DRC9: variants seen among roughly 807,000 people sequenced by gnomAD.
DRC9 encodes dynein regulatory complex subunit 9.
the DRC9 span, chr3:197,889,735 GAGTA>G: frequency 1.1e-3 from 1,759 of 1,613,940 alleles, 9 homozygotes; most frequent in Middle Eastern, 8.9e-3. Context: ...AAAGGGGAGT[GAGTA>G]CGACGTATGC....
the DRC9 span, among the ~76,000 whole-genome samples, chr3:197,934,331 C>T: frequency 2.6e-5 from 4 of 151,830 alleles, no homozygotes; most frequent in Non-Finnish European, 4.4e-5. Flanking sequence ...ATTACAGGCA[C>T]GTGCCACCAC....
the DRC9 span, among the ~76,000 whole-genome samples, chr3:197,909,484 G>A: frequency 1.3e-5 from 2 of 152,110 alleles, no homozygotes; most frequent in Non-Finnish European, 2.9e-5. Context: ...CTTAGAGACA[G>A]AACCAAGAAG....
chr3:197,940,141 A>G, the DRC9 span, among the ~76,000 whole-genome samples: 1 of 151,760 alleles, frequency 6.6e-6, no homozygotes, highest in Non-Finnish European at 1.5e-5. Context: ...TTACAGGCCC[A>G]CACCATCATG....
At chr3:197,949,982 C>T in the DRC9 span, 2 of 545,618 alleles carry the variant, frequency 3.7e-6, no homozygotes, top group Non-Finnish European at 5.5e-6. Context: ...ACCATTTTGC[C>T]TTCCCTTGTT....
At chr3:197,960,060 C>G in the DRC9 span, 1 of 627,796 alleles carries the variant, frequency 1.6e-6, no homozygotes. Context: ...GGCTTCGCGC[C>G]ACGAGACGCG....
chr3:197,892,145 C>T, the DRC9 span, among the ~76,000 whole-genome samples: 2,341 of 152,320 alleles, frequency 0.015, 32 homozygotes, highest in East Asian at 0.041. Flanking sequence ...TCGCCTCGGC[C>T]TCCCAAAGTG....
At chr3:197,915,177 A>AG in the DRC9 span, among the ~76,000 whole-genome samples, 366 of 150,444 alleles carry the variant, frequency 2.4e-3, no homozygotes, top group African/African-American at 8.2e-3. Flanking sequence ...AAAAAAAAAA[A>AG]AAAAGAAAAG....
At chr3:197,957,629 G>A in the DRC9 span, 7 of 152,238 alleles carry the variant, frequency 4.6e-5, no homozygotes, top group African/African-American at 1.4e-4. Flanking sequence ...GTATTCACCA[G>A]AAGTGAGCAG....
At chr3:197,938,683 C>T in the DRC9 span, 10 of 1,613,954 alleles carry the variant, frequency 6.2e-6, no homozygotes, top group Middle Eastern at 1.6e-4. Context: ...CAAGTTGGGT[C>T]CTTCCTCAGT....
At chr3:197,945,813 C>T in the DRC9 span, 37 of 554,642 alleles carry the variant, frequency 6.7e-5, 3 homozygotes, top group South Asian at 1.6e-4. Context: ...CCTCTTTGTG[C>T]GGAGTGGAGC....
At chr3:197,927,335 T>G in the DRC9 span, among the ~76,000 whole-genome samples, 1 of 152,232 alleles carries the variant, frequency 6.6e-6, no homozygotes, top group East Asian at 1.9e-4. Flanking sequence ...CAAGCAATTC[T>G]TCTGCCTCGG....
At chr3:197,950,881 G>A in the DRC9 span, 1 of 1,555,958 alleles carries the variant, frequency 6.4e-7, no homozygotes, top group Non-Finnish European at 8.9e-7. Context: ...GAGAGGGGAC[G>A]AGGTGGGAAA....
chr3:197,908,091 G>C, the DRC9 span, among the ~76,000 whole-genome samples: 3 of 150,712 alleles, frequency 2.0e-5, no homozygotes, highest in East Asian at 5.9e-4. Context: ...TTATCACAGG[G>C]GTGACTGTAC....
At chr3:197,891,598 G>T in the DRC9 span, 2 of 1,010,944 alleles carry the variant, frequency 2.0e-6, no homozygotes, top group South Asian at 1.4e-5. Flanking sequence ...TGGCTAAGCT[G>T]TAGCCCAGCC....
the DRC9 span, among the ~76,000 whole-genome samples, chr3:197,903,084 T>C: frequency 1.3e-5 from 2 of 152,170 alleles, no homozygotes; most frequent in South Asian, 2.1e-4. Context: ...GGGGAAAGGA[T>C]AGTCCTTTCA....
At chr3:197,909,100 A>C in the DRC9 span, among the ~76,000 whole-genome samples, 5 of 152,220 alleles carry the variant, frequency 3.3e-5, no homozygotes, top group African/African-American at 1.2e-4. Context: ...TTCTCATTCC[A>C]AGTTTCAGGG....
the DRC9 span, among the ~76,000 whole-genome samples, chr3:197,929,737 C>A: frequency 4.6e-5 from 7 of 152,132 alleles, no homozygotes; most frequent in African/African-American, 1.4e-4. This position sits in a 1 kb window ranked among gnomAD's most constrained non-coding sequence, Gnocchi z 4.6. Context: ...TGCCACTGCA[C>A]TCCAGCCTGG....
At chr3:197,931,865 TC>T in the DRC9 span, among the ~76,000 whole-genome samples, 2 of 152,112 alleles carry the variant, frequency 1.3e-5, no homozygotes, top group African/African-American at 4.8e-5. Context: ...GACCTCGTGA[TC>T]CGCCCGCCTC....
the DRC9 span, chr3:197,943,933 T>C: frequency 7.4e-6 from 12 of 1,614,050 alleles, no homozygotes; most frequent in East Asian, 2.2e-5. Context: ...ATGATTTCTA[T>C]GTCTGTTTCT....
Sources: gnomAD v4.1 joint callset for allele counts (sites outside exome capture counted in the v4.1 genomes callset) on GRCh38, gnomAD v4.1.1 for gene constraint, Gnocchi (gnomAD v3.1) non-coding constraint, MANE v1.5 for transcripts, NCBI Gene and HGNC (gene_info 2026-07-23, HGNC 2026-07-21) for gene names.